The following TSHZ2 variants were observed in gnomAD, a reference collection of about 807,000 sequenced individuals.
TSHZ2 encodes teashirt homolog 2.
A neutral mutation model predicts 74.4 loss-of-function variants in TSHZ2; 21 were observed. The observed-to-expected ratio is 0.28, with a 90% CI of 0.20 to 0.41. The LOEUF is 0.41. Among genes scored for constraint, TSHZ2 ranks in the 10% least tolerant of loss-of-function variants. TSHZ2 has a pLI of 1.00. For missense variants in TSHZ2, 1,244 were observed against 1,293.5 expected (o/e 0.96, Z 0.59); for synonymous variants, 540 against 515.3 (o/e 1.05, Z -0.65).
rs776982737 is a variant in TSHZ2 at position 53,276,723 on chromosome 20, A to G, written c.*8+20152A>G. On this transcript the variant is annotated intron_variant, in intron 2 of 2. Transcript: ENST00000371497. Reference sequence around the variant, plus strand: ...CGCCATCCCCCGAGTGTCAGATTCAATAGGTCCAGGGTGGAGCGAGACCTT... The same window carrying G: ...CGCCATCCCCCGAGTGTCAGATTCAGTAGGTCCAGGGTGGAGCGAGACCTT... Among the ~76,000 whole-genome samples, 14 of 152,232 alleles carry G rather than the reference A, an allele frequency of 9.2e-5. 1 individual carries two copies. In the South Asian group the frequency reaches 1.4e-3, roughly 16 times the overall value.
At chr20:53,130,248 A>G (rs1987067241) in intron 1 of TSHZ2, among the ~76,000 whole-genome samples, 1 of 144,952 alleles carries the variant, frequency 6.9e-6, no homozygotes, top group African/African-American at 2.5e-5. Context: ...AAAAATAGAA[A>G]GAAAAGAAAA....
At chr20:53,253,401 G>A (rs1370697641) in intron 1 of TSHZ2, 98 bp from the exon 2 acceptor site, 62 of 1,491,370 alleles carry the variant, frequency 4.2e-5, no homozygotes, top group African/African-American at 1.5e-4. Context: ...TTAAATCACC[G>A]TTCAGTTCGG....
chr20:53,151,186 T>C (rs1297006047), intron 1 of TSHZ2, among the ~76,000 whole-genome samples: 1 of 152,196 alleles, frequency 6.6e-6, no homozygotes. Context: ...TCATAAGAGA[T>C]AGAATTGGGA....
At chr20:53,303,349 T>C in intron 2 of TSHZ2, among the ~76,000 whole-genome samples, 1 of 152,372 alleles carries the variant, frequency 6.6e-6, no homozygotes, top group East Asian at 1.9e-4. Flanking sequence ...TACACAAATA[T>C]TTCCTTTAAG....
chr20:53,290,401 A>G (rs999123438), intron 2 of TSHZ2, among the ~76,000 whole-genome samples: 2 of 152,050 alleles, frequency 1.3e-5, no homozygotes, highest in African/African-American at 4.8e-5. Flanking sequence ...TAAATCAAAA[A>G]CTAAGTAATT....
chr20:53,488,753 C>A lies in TSHZ2; in HGVS notation c.*1618C>A, dbSNP rs541869163. On this transcript the variant is annotated 3_prime_UTR_variant, in exon 3 of 3. Transcript: ENST00000371497. ...ACTGACAAAATGAAACCAAATATCT[C>A]TTCCTCACCATTTCTCAAGGAGGCT... 23 of 317,404 alleles carry A rather than the reference C, an allele frequency of 7.2e-5. 1 individual carries two copies. The highest frequency in any genetic ancestry group is 4.8e-4 in the African/African-American group (22 of 45,610). The allele number at this position is 317,404 out of a possible 1,614,324, so 19.7% of individuals were successfully genotyped here.
intron 1 of TSHZ2, among the ~76,000 whole-genome samples, chr20:52,976,596 G>A (rs897663475): frequency 6.6e-6 from 1 of 152,258 alleles, no homozygotes; most frequent in Non-Finnish European, 1.5e-5. Context: ...TTTGCAGGAT[G>A]CAGAGTGGTT....
intron 2 of TSHZ2, among the ~76,000 whole-genome samples, chr20:53,360,023 T>C (rs1455212199): frequency 2.0e-5 from 3 of 152,184 alleles, no homozygotes; most frequent in East Asian, 1.9e-4. Context: ...AGCTCCTACA[T>C]TGACTTTAGT....
rs993849609 is a variant in TSHZ2, at chr20:53,255,979, A to G, written c.2521A>G (p.Arg841Gly). Reference sequence around the variant, plus strand: ...CAGTGAAGTCTCAACTTTGCATAAAAGAAAAGGCCGGCAGTCCAACTGGAA... The same window carrying G: ...CAGTGAAGTCTCAACTTTGCATAAAGGAAAAGGCCGGCAGTCCAACTGGAA... Reference protein sequence around the residue: ...VSSEVSTLHKRKGRQSNWNPQ... With the variant: ...VSSEVSTLHKGKGRQSNWNPQ... Residue 841 changes from arginine (R) to glycine (G), a missense_variant, in exon 2 of 3, where the codon AGA becomes GGA. Transcript: ENST00000371497. The surrounding 1 kb of genome is among the most constrained non-coding windows in gnomAD (Gnocchi z 4.1). 6.2e-7 allele frequency: 1 copy of G among 1,613,854 alleles called. No individual in the cohort carries two copies. The highest frequency in any genetic ancestry group is 1.3e-5 in the African/African-American group (1 of 74,918).
chr20:53,310,995 A>C (rs1370599687), intron 2 of TSHZ2, among the ~76,000 whole-genome samples: 1 of 152,232 alleles, frequency 6.6e-6, no homozygotes, highest in African/African-American at 2.4e-5. Context: ...ATTTTTGCTG[A>C]AAATGAGTAT....
At chr20:53,418,775 A>T (rs1983363328) in intron 2 of TSHZ2, among the ~76,000 whole-genome samples, 1 of 152,196 alleles carries the variant, frequency 6.6e-6, no homozygotes, top group African/African-American at 2.4e-5. Context: ...GTTCTCAATA[A>T]GATCAACCTG....
chr20:53,196,025 G>C (rs915372783), intron 1 of TSHZ2, among the ~76,000 whole-genome samples: 2 of 152,174 alleles, frequency 1.3e-5, no homozygotes, highest in African/African-American at 4.8e-5. Flanking sequence ...GCCAGTCTCG[G>C]CTTCTGCGTC....
intron 1 of TSHZ2, among the ~76,000 whole-genome samples, chr20:53,147,093 A>G (rs954620819): frequency 1.3e-5 from 2 of 151,926 alleles, no homozygotes; most frequent in Non-Finnish European, 2.9e-5. Context: ...TGCCCAATGT[A>G]TTAATTACAT....
intron 2 of TSHZ2, among the ~76,000 whole-genome samples, chr20:53,385,304 T>C (rs1017997508): frequency 3.3e-5 from 5 of 152,144 alleles, no homozygotes; most frequent in African/African-American, 7.2e-5. Context: ...TATTGACTTA[T>C]GATATTTCAG....
At chr20:52,997,682 G>T (rs1982257610) in intron 1 of TSHZ2, among the ~76,000 whole-genome samples, 1 of 152,168 alleles carries the variant, frequency 6.6e-6, no homozygotes. Context: ...GCCTGTTCCA[G>T]GCGATGCCAC....
At chr20:53,264,182 GAC>G (rs1990660514) in intron 2 of TSHZ2, among the ~76,000 whole-genome samples, 1 of 152,208 alleles carries the variant, frequency 6.6e-6, no homozygotes, top group Non-Finnish European at 1.5e-5. Context: ...CAGCACATTT[GAC>G]CTATGGTATT....
intron 1 of TSHZ2, among the ~76,000 whole-genome samples, chr20:53,162,513 G>A (rs1039502571): frequency 1.3e-5 from 2 of 152,158 alleles, no homozygotes; most frequent in Non-Finnish European, 2.9e-5. Context: ...CTAGGGGATC[G>A]GTCGATGGGA....
intron 1 of TSHZ2, among the ~76,000 whole-genome samples, chr20:53,117,814 C>T (rs1296387961): frequency 2.0e-5 from 3 of 152,188 alleles, no homozygotes; most frequent in Non-Finnish European, 2.9e-5. Context: ...TCTCTGTTCC[C>T]ATCTTTTGGC....
At chr20:52,994,707 G>A (rs963585432) in intron 1 of TSHZ2, among the ~76,000 whole-genome samples, 16 of 152,082 alleles carry the variant, frequency 1.1e-4, no homozygotes, top group South Asian at 8.3e-4. Context: ...ATAATGTGCC[G>A]TGAAGTTCTC....
Sources: allele counts gnomAD v4.1 joint callset (sites outside exome capture counted in the v4.1 genomes callset), GRCh38; gene constraint gnomAD v4.1.1; non-coding constraint Gnocchi (gnomAD v3.1); transcripts MANE v1.5; gene names NCBI Gene and HGNC (gene_info 2026-07-23, HGNC 2026-07-21).